The following MAPK10 variants were observed in gnomAD, a reference collection of about 807,000 sequenced individuals.
The protein encoded by MAPK10 is JNK3 alpha protein kinase.
Under a neutral mutation model 59.3 loss-of-function variants are expected in MAPK10, and 25 were observed. The ratio of observed to expected loss-of-function variants is 0.42; its 90% confidence interval spans 0.31 to 0.59. The LOEUF (loss-of-function observed/expected upper bound fraction) is 0.59. MAPK10 is among the 20% of genes least tolerant of loss of function. The probability of loss-of-function intolerance (pLI) is 0.15; values close to 1 mark genes in which losing one functional copy is unlikely to be tolerated. For synonymous variants in MAPK10, 190 were observed against 200.5 expected (o/e 0.95, Z 0.44); for missense variants, 351 against 568.9 (o/e 0.62, Z 3.90).
chr4:86,031,319 T>C, intron 12 of MAPK10, 49 bp downstream of exon 12: 1 of 1,301,172 alleles, frequency 7.7e-7, no homozygotes, highest in Non-Finnish European at 1.1e-6. Context: ...GTTGATACTT[T>C]CTGAGTTCAA....
At chr4:86,515,726 T>C (rs183646417) in intron 1 of MAPK10, among the ~76,000 whole-genome samples, 1 of 152,326 alleles carries the variant, frequency 6.6e-6, no homozygotes, top group East Asian at 1.9e-4. Context: ...CCTTGTAGAT[T>C]CTGGGTATTA....
At chr4:86,449,778 T>C (rs1188581492) in intron 1 of MAPK10, among the ~76,000 whole-genome samples, 2 of 152,254 alleles carry the variant, frequency 1.3e-5, no homozygotes, top group African/African-American at 4.8e-5. Context: ...TGTTACATTA[T>C]ATGAGACTTC....
chr4:86,511,226 G>A (rs183205059), intron 1 of MAPK10, among the ~76,000 whole-genome samples: 1 of 152,190 alleles, frequency 6.6e-6, no homozygotes, highest in Admixed American at 6.5e-5. Context: ...GCTCATGCCT[G>A]TAATCCCAAC....
At chr4:86,073,431 G>T (rs1399027378) in intron 9 of MAPK10, among the ~76,000 whole-genome samples, 4 of 147,544 alleles carry the variant, frequency 2.7e-5, no homozygotes, top group Non-Finnish European at 6.1e-5. Flanking sequence ...CTTGCCTTCT[G>T]CTAGCTTTTG....
chr4:86,305,677 A>G (rs2148857253), intron 2 of MAPK10, among the ~76,000 whole-genome samples: 1 of 152,020 alleles, frequency 6.6e-6, no homozygotes, highest in South Asian at 2.1e-4. Context: ...AAATTAGCCA[A>G]GCATGGTGGC....
intron 5 of MAPK10, among the ~76,000 whole-genome samples, chr4:86,106,195 T>C (rs1468290939): frequency 6.6e-6 from 1 of 152,124 alleles, no homozygotes; most frequent in East Asian, 1.9e-4. Flanking sequence ...GCATTTCAAA[T>C]ATCTTTCAAC....
At chr4:86,425,215 T>G (rs1747116317) in intron 1 of MAPK10, among the ~76,000 whole-genome samples, 1 of 152,192 alleles carries the variant, frequency 6.6e-6, no homozygotes, top group Non-Finnish European at 1.5e-5. Context: ...GGAGTTTAAT[T>G]TCACAAAACA....
chr4:86,519,884 A>G (rs1009009133), intron 1 of MAPK10, among the ~76,000 whole-genome samples: 1 of 152,132 alleles, frequency 6.6e-6, no homozygotes, highest in East Asian at 1.9e-4. Context: ...AGCTTAGTTT[A>G]GCTGGATACA....
intron 9 of MAPK10, among the ~76,000 whole-genome samples, chr4:86,072,003 A>G (rs2149005123): frequency 7.4e-6 from 1 of 135,158 alleles, no homozygotes; most frequent in East Asian, 2.2e-4. Flanking sequence ...TTTTCACGAT[A>G]TTGATTCTTC....
chr4:86,378,738 C>T (rs566613767), intron 1 of MAPK10, among the ~76,000 whole-genome samples: 165 of 152,296 alleles, frequency 1.1e-3, no homozygotes, highest in African/African-American at 3.7e-3. Context: ...TCTGGTACTG[C>T]TTTTGTACCT....
chr4:86,414,255 T>TCCTAATA, intron 1 of MAPK10, among the ~76,000 whole-genome samples: 2 of 151,848 alleles, frequency 1.3e-5, no homozygotes, highest in Non-Finnish European at 3.0e-5. Context: ...ATCCATGATA[T>TCCTAATA]AACATCCATG....
chr4:86,149,716 G>A (rs1205588667), intron 4 of MAPK10, among the ~76,000 whole-genome samples: 3 of 152,200 alleles, frequency 2.0e-5, no homozygotes, highest in Non-Finnish European at 2.9e-5. Flanking sequence ...TCCAGGCACT[G>A]TATTAACTAA....
intron 10 of MAPK10, among the ~76,000 whole-genome samples, chr4:86,067,566 T>C (rs2046998082): frequency 6.6e-6 from 1 of 152,202 alleles, no homozygotes; most frequent in African/African-American, 2.4e-5. Context: ...TTTTAGGTGA[T>C]GGGTTATGCT....
At chr4:86,074,897 T>A (rs1036733346) in intron 9 of MAPK10, among the ~76,000 whole-genome samples, 3 of 131,614 alleles carry the variant, frequency 2.3e-5, no homozygotes, top group African/African-American at 9.3e-5. Flanking sequence ...TCGAGGAGTA[T>A]CTTTGTGGCG....
chr4:86,062,722 T>C (rs2045971633), intron 11 of MAPK10, among the ~76,000 whole-genome samples: 1 of 152,142 alleles, frequency 6.6e-6, no homozygotes, highest in African/African-American at 2.4e-5. Flanking sequence ...TAAAATATTT[T>C]CTTGAATTTC....
intron 13 of MAPK10, among the ~76,000 whole-genome samples, chr4:86,022,222 T>C (rs1489131731): frequency 6.6e-6 from 1 of 152,244 alleles, no homozygotes; most frequent in African/African-American, 2.4e-5. Flanking sequence ...ACCAGCAGTA[T>C]ATGAGGATTC....
rs78768147 is a variant in MAPK10, at chr4:86,106,387, C to G, written c.366+836G>C. ...ATAATTTTACTTGTAATGAAGTTATCTTTTGATTTTTAAGAAAATAAAATT... is the reference window on the plus strand; with the variant it reads ...ATAATTTTACTTGTAATGAAGTTATGTTTTGATTTTTAAGAAAATAAAATT... On this transcript the variant is annotated intron_variant, in intron 5 of 13. Transcript: ENST00000641462. Among the ~76,000 whole-genome samples the G allele has an allele frequency of 3.2e-3, 487 of 150,252 alleles. 7 individuals are homozygous for G. In the East Asian group the frequency reaches 0.056, roughly 17 times the overall value.
At chr4:86,505,596 A>C (rs1755684255) in intron 1 of MAPK10, among the ~76,000 whole-genome samples, 1 of 152,116 alleles carries the variant, frequency 6.6e-6, no homozygotes, top group Non-Finnish European at 1.5e-5. Flanking sequence ...TTAAAAAAAA[A>C]AGTTTCCTTT....
chr4:86,488,571 C>T (rs1754210624), intron 1 of MAPK10, among the ~76,000 whole-genome samples: 1 of 152,168 alleles, frequency 6.6e-6, no homozygotes, highest in Admixed American at 6.5e-5. Context: ...TAATCACCCA[C>T]ACTCCTTTCT....
Sources: gnomAD v4.1 joint callset for allele counts (sites outside exome capture counted in the v4.1 genomes callset) on GRCh38, gnomAD v4.1.1 for gene constraint, MANE v1.5 for transcripts, NCBI Gene and HGNC (gene_info 2026-07-23, HGNC 2026-07-21) for gene names.